CHRNA3: variants seen among roughly 807,000 people sequenced by gnomAD.
CHRNA3 encodes the protein cholinergic receptor nicotinic alpha 3 subunit.
In CHRNA3, 34 loss-of-function variants were observed where a neutral mutation model predicts 41.9. That is an observed-to-expected ratio of 0.81 (90% confidence interval 0.62 to 1.08). The LOEUF is 1.08. Ranked by LOEUF, CHRNA3 falls within the 50% of genes least tolerant of loss-of-function variation. CHRNA3 has a pLI of 0.00. For missense variants in CHRNA3, 542 were observed against 638.3 expected (o/e 0.85, Z 1.63); for synonymous variants, 281 against 265.2 (o/e 1.06, Z -0.58).
chr15:78,605,345 T>A (rs1228279770), intron 4 of CHRNA3, among the ~76,000 whole-genome samples: 2 of 152,096 alleles, frequency 1.3e-5, no homozygotes, highest in Non-Finnish European at 2.9e-5. Flanking sequence ...CCTCAGGATA[T>A]GAGAGTGTGC....
At position 78,601,310 on chromosome 15, in the gene CHRNA3, G is replaced by T; in HGVS notation, c.1332C>A (p.Ala444=). The change falls in exon 5 of 6, where the codon GCC becomes GCA. Residue 444 remains alanine (A), a synonymous_variant. Coordinates refer to ENST00000326828, the MANE Select transcript of CHRNA3 (RefSeq NM_000743.5). ...LSALSPEIKE[A]IQSVKYIAEN... ...CAGCAATATACTTGACACTTTGGAT[G>T]GCTTCTTTGATTTCTGGTGACAAAG... 2 of 1,614,158 alleles carry T rather than the reference G, an allele frequency of 1.2e-6. No homozygotes were observed. The highest frequency in any genetic ancestry group is 1.7e-6 in the Non-Finnish European group (2 of 1,180,028).
intron 4 of CHRNA3, among the ~76,000 whole-genome samples, chr15:78,616,570 AGCCTTCCCCCTCCACACACTGG>A (rs2053465778): frequency 6.6e-6 from 1 of 151,940 alleles, no homozygotes; most frequent in South Asian, 2.1e-4. Context: ...CGGGCATCTG[AGCCTTCCCCCTCCACACACTGG>A]GGTTGGTCCT....
intron 5 of CHRNA3, 125 bp from the exon 6 acceptor site, chr15:78,596,857 CCTT>C: frequency 3.7e-6 from 5 of 1,346,968 alleles, no homozygotes; most frequent in Non-Finnish European, 4.8e-6. Flanking sequence ...TGTAAGAAGC[CCTT>C]TTTTTCCTAA....
rs1193216970 is a variant in CHRNA3 at position 78,610,942 on chromosome 15, A to C, written c.377+6082T>G. Among the ~76,000 whole-genome samples, 8 of 152,142 alleles carry C rather than the reference A, an allele frequency of 5.3e-5. No homozygotes were observed. In the East Asian group the frequency reaches 7.7e-4, roughly 15 times the overall value. Reference sequence around the variant, plus strand: ...TTACCATCAGAGAATACTACAAACAACTCTACGCAAATAAACTAGAAAATC... The same window carrying C: ...TTACCATCAGAGAATACTACAAACACCTCTACGCAAATAAACTAGAAAATC... On this transcript the variant is annotated intron_variant, in intron 4 of 5. Coordinates refer to ENST00000326828, the MANE Select transcript of CHRNA3 (RefSeq NM_000743.5).
At chr15:78,606,029 GAAAAACAC>G (rs752586426) in intron 4 of CHRNA3, among the ~76,000 whole-genome samples, 2 of 152,042 alleles carry the variant, frequency 1.3e-5, no homozygotes, top group Non-Finnish European at 2.9e-5. Flanking sequence ...CATATTGTAA[GAAAAACAC>G]AAACTGGGTA....
At chr15:78,598,176 C>T (rs1384400021) in intron 5 of CHRNA3, among the ~76,000 whole-genome samples, 1 of 152,172 alleles carries the variant, frequency 6.6e-6, no homozygotes, top group Admixed American at 6.5e-5. Context: ...TCCATGACCG[C>T]TCTTAGCCTC....
At chr15:78,601,199 A>AT in intron 5 of CHRNA3, 54 bp downstream of exon 5, 1 of 1,566,904 alleles carries the variant, frequency 6.4e-7, no homozygotes, top group East Asian at 2.2e-5. Flanking sequence ...CGAGGAACCC[A>AT]TAAATATTTG....
chr15:78,601,670 G>A lies in CHRNA3; in HGVS notation c.972C>T (p.Phe324=), dbSNP rs200337870. 2.5e-4 allele frequency: 404 copies of A among 1,614,036 alleles called. No individual in the cohort carries two copies. The highest frequency in any genetic ancestry group is 3.2e-4 in the Non-Finnish European group (377 of 1,180,034). Residue 324 remains phenylalanine, a synonymous_variant, in exon 5 of 6, where the codon TTC becomes TTT. Coordinates refer to ENST00000326828, the MANE Select transcript of CHRNA3 (RefSeq NM_000743.5). ...GGGTTCTGTAGTGCACGTTGAGCAC[G>A]AAGACGGTGATGACGATGGACAAGG... The part of the protein sequence containing the change: ...FVTLSIVITV[F]VLNVHYRTPT...
intron 4 of CHRNA3, among the ~76,000 whole-genome samples, chr15:78,607,717 G>A (rs1222063063): frequency 6.6e-6 from 1 of 152,214 alleles, no homozygotes; most frequent in Non-Finnish European, 1.5e-5. Flanking sequence ...GCCAGACAGT[G>A]GGTGCAGGAT....
At chr15:78,618,541 G>T in intron 3 of CHRNA3, 76 bp downstream of exon 3, 1 of 1,543,074 alleles carries the variant, frequency 6.5e-7, no homozygotes, top group South Asian at 1.1e-5. Context: ...TGGTCTTTAG[G>T]CCTTTCTTGG....
At chr15:78,611,348 A>G (rs1304099182) in intron 4 of CHRNA3, among the ~76,000 whole-genome samples, 1 of 152,058 alleles carries the variant, frequency 6.6e-6, no homozygotes, top group East Asian at 1.9e-4. Context: ...CGAATCCAGC[A>G]GCACATCAAA....
At position 78,617,032 on chromosome 15, in the gene CHRNA3, C is replaced by T. The variant is rs200679144; in HGVS notation, c.369G>A (p.Leu123=). ...GCCCCCCAGCACCTTACTTGTTATACAGCACAATGTCTGGCTTCCAGATCT... is the reference window on the plus strand; with the variant it reads ...GCCCCCCAGCACCTTACTTGTTATATAGCACAATGTCTGGCTTCCAGATCT... ...AQKIWKPDIV[L]YNNAVGDFQV... Residue 123 remains leucine (L), a synonymous_variant, in exon 4 of 6, where the codon CTG becomes CTA. Transcript: ENST00000326828. 3 of 1,612,306 alleles carry T rather than the reference C, an allele frequency of 1.9e-6. No homozygotes were observed. Among genetic ancestry groups the T allele is most frequent in the Admixed American group, 1.7e-5 (1 of 59,958 alleles).
chr15:78,606,954 G>A (rs1013700705), intron 4 of CHRNA3, among the ~76,000 whole-genome samples: 1 of 152,082 alleles, frequency 6.6e-6, no homozygotes, highest in Non-Finnish European at 1.5e-5. Flanking sequence ...CAGTCTGGGT[G>A]TGATGGCTCA....
chr15:78,602,589 G>A (rs556032217), intron 4 of CHRNA3, among the ~76,000 whole-genome samples: 2 of 152,278 alleles, frequency 1.3e-5, no homozygotes, highest in Admixed American at 1.3e-4. Context: ...TAAAGAAATG[G>A]GAGGAAGGTC....
intron 4 of CHRNA3, among the ~76,000 whole-genome samples, chr15:78,610,330 G>A (rs1323247938): frequency 6.6e-6 from 1 of 152,068 alleles, no homozygotes; most frequent in Non-Finnish European, 1.5e-5. Flanking sequence ...TGGAAGTAAA[G>A]CACTCCTCAG....
rs1296429576 is a variant in CHRNA3, at chr15:78,609,947, C to T, written c.377+7077G>A. Reference sequence around the variant, plus strand: ...TGCAATCCTAGTCTCTGATAAAACACTTTAAACCAACAAAGATCAAAAGAG... The same window carrying T: ...TGCAATCCTAGTCTCTGATAAAACATTTTAAACCAACAAAGATCAAAAGAG... On this transcript the variant is annotated intron_variant, in intron 4 of 5. Coordinates refer to ENST00000326828, the MANE Select transcript of CHRNA3 (RefSeq NM_000743.5). 1.6e-4 allele frequency among the ~76,000 whole-genome samples: 25 copies of T among 152,196 alleles called. No homozygotes were observed. In the South Asian group the frequency reaches 5.2e-3, roughly 32 times the overall value.
intron 5 of CHRNA3, among the ~76,000 whole-genome samples, chr15:78,599,461 CTTGGTGGAGGGGA>C (rs1361494823): frequency 1.3e-5 from 2 of 151,696 alleles, no homozygotes; most frequent in African/African-American, 4.8e-5. Context: ...GGGGGAGGGG[CTTGGTGGAGGGGA>C]GAGCTAGGGA....
intron 4 of CHRNA3, 33 bp downstream of exon 4, chr15:78,616,991 C>T (rs572239933): frequency 9.3e-6 from 14 of 1,506,050 alleles, no homozygotes; most frequent in Non-Finnish European, 1.2e-5. Flanking sequence ...AGGCTGACAG[C>T]CCTGAGAGGG....
At position 78,602,038 on chromosome 15, in the gene CHRNA3, A is replaced by G. The variant is rs2053211480; in HGVS notation, c.604T>C (p.Trp202Arg). Residue 202 changes from tryptophan (W) to arginine (R), a missense_variant, in exon 5 of 6, where the codon TGG becomes CGG. Coordinates refer to ENST00000326828, the MANE Select transcript of CHRNA3 (RefSeq NM_000743.5). Reference sequence around the variant, plus strand: ...ATGATGGCCCACTCGCCGCTCTCCCAATAGTCCTTGAGGTTCATGGAAGAG... The same window carrying G: ...ATGATGGCCCACTCGCCGCTCTCCCGATAGTCCTTGAGGTTCATGGAAGAG... ...IGSSMNLKDY[W>R]ESGEWAIIKA... The G allele has an allele frequency of 3.7e-6, 6 of 1,613,894 alleles. No homozygotes were observed. Among genetic ancestry groups the G allele is most frequent in the Non-Finnish European group, 5.1e-6 (6 of 1,179,902 alleles).
Sources: gnomAD v4.1 joint callset for allele counts (sites outside exome capture counted in the v4.1 genomes callset) on GRCh38, gnomAD v4.1.1 for gene constraint, MANE v1.5 for transcripts, NCBI Gene and HGNC (gene_info 2026-07-23, HGNC 2026-07-21) for gene names.